SYDE2: variants seen among roughly 807,000 people sequenced by gnomAD.
SYDE2 encodes the protein synapse defective Rho GTPase homolog 2.
In SYDE2, 76 loss-of-function variants were observed where a neutral mutation model predicts 91.5. That is an observed-to-expected ratio of 0.83 (90% CI 0.69 to 1.01). The LOEUF is 1.01. SYDE2 is among the 50% of genes least tolerant of loss of function. The pLI is 0.00. For missense variants in SYDE2, 1,364 were observed against 1,367.7 expected (o/e 1.00, Z 0.04); for synonymous variants, 513 against 506.4 (o/e 1.01, Z -0.18).
At position 85,158,323 on chromosome 1, in the gene SYDE2, C is replaced by G. The variant is rs709785; in HGVS notation, c.*427G>C. 0.23 allele frequency: 35,942 copies of G among 154,396 alleles called. 5,301 individuals carry two copies. The highest frequency in any genetic ancestry group is 0.42 in the African/African-American group (17,242 of 41,444). 9.6% of individuals were successfully genotyped at this position (154,396 alleles called of 1,614,324 possible). On this transcript the variant is annotated 3_prime_UTR_variant, in exon 7 of 7. Transcript: ENST00000341460. ...ACCAGGGAGGTGGAGGTTGCAGTGA[C>G]CTGAGATCGCACCAGTGCACTCCAG...
chr1:85,176,587 G>C (rs1200008023), intron 4 of SYDE2, among the ~76,000 whole-genome samples: 1 of 151,976 alleles, frequency 6.6e-6, no homozygotes, highest in Admixed American at 6.6e-5. Flanking sequence ...AATTAATTTT[G>C]AGTAAAAATA....
chr1:85,173,914 G>A (rs994539198), intron 4 of SYDE2, among the ~76,000 whole-genome samples: 3 of 152,016 alleles, frequency 2.0e-5, no homozygotes, highest in Admixed American at 6.6e-5. Flanking sequence ...AACCCATATC[G>A]AACTTCTAGT....
intron 2 of SYDE2, among the ~76,000 whole-genome samples, chr1:85,188,757 G>A (rs1025658867): frequency 6.6e-6 from 1 of 152,162 alleles, no homozygotes; most frequent in African/African-American, 2.4e-5. Flanking sequence ...TGAGAGGCAC[G>A]CCGAGGCTGC....
chr1:85,190,049 AT>A lies in SYDE2; in HGVS notation c.1441+7del. 1 of 1,575,202 alleles carries A rather than the reference AT, an allele frequency of 6.3e-7. No homozygotes were observed. Among genetic ancestry groups the A allele is most frequent in the Non-Finnish European group, 8.6e-7 (1 of 1,158,898 alleles). ...AAGAAAGAAAGACACATATATGATCATTTTTACCTGCAAAAGGAGATTTCAA... is the reference window on the plus strand; with the variant it reads ...AAGAAAGAAAGACACATATATGATCATTTTACCTGCAAAAGGAGATTTCAA... On this transcript the variant is annotated splice_region_variant and intron_variant, in intron 2 of 6. Transcript: ENST00000341460.
At chr1:85,174,405 C>T (rs1657613920) in intron 4 of SYDE2, among the ~76,000 whole-genome samples, 1 of 151,354 alleles carries the variant, frequency 6.6e-6, no homozygotes, top group Admixed American at 6.6e-5. Context: ...GGAACATTTA[C>T]CACAAAAGAC....
intron 5 of SYDE2, 109 bp downstream of exon 5, chr1:85,168,935 A>C: frequency 1.0e-6 from 1 of 988,658 alleles, no homozygotes. Flanking sequence ...GAGCTTTTAA[A>C]TCCATGAGTG....
At chr1:85,197,703 A>G (rs979652525) in intron 1 of SYDE2, among the ~76,000 whole-genome samples, 3 of 152,064 alleles carry the variant, frequency 2.0e-5, no homozygotes, top group Non-Finnish European at 4.4e-5. Context: ...CTCCCAGGCT[A>G]GAGTGCAGTG....
Position 85,182,964 on chromosome 1 carries a change from A to G in SYDE2, c.1678T>C (p.Ser560Pro). 1 of 1,613,818 alleles carries G rather than the reference A, an allele frequency of 6.2e-7. No individual in the cohort carries two copies. The highest frequency in any genetic ancestry group is 8.5e-7 in the Non-Finnish European group (1 of 1,179,774). ...TCTCGGCAGTTATATTTAGACAAAG[A>G]AGGAGTATTATCTGGACTGTTTATA... ...NYINSPDNTP[S>P]LSKYNCREVH... is the part of the protein sequence containing the mutation. The change falls in exon 3 of 7, where the codon TCT becomes CCT. Residue 560 changes from serine to proline, a missense_variant. Coordinates refer to ENST00000341460, the MANE Select transcript of SYDE2 (RefSeq NM_032184.2).
At chr1:85,195,158 T>TTA (rs1476477822) in intron 1 of SYDE2, among the ~76,000 whole-genome samples, 1 of 143,526 alleles carries the variant, frequency 7.0e-6, no homozygotes, top group African/African-American at 2.5e-5. Context: ...AGACTCCATC[T>TTA]AAAAAAAAAA....
chr1:85,163,913 A>G (rs1657165997), intron 6 of SYDE2, among the ~76,000 whole-genome samples: 1 of 152,198 alleles, frequency 6.6e-6, no homozygotes, highest in Non-Finnish European at 1.5e-5. Flanking sequence ...GTCAGTCTTT[A>G]GTTATTGATT....
At chr1:85,165,607 T>TAA (rs398102974) in intron 5 of SYDE2, among the ~76,000 whole-genome samples, 2 of 151,028 alleles carry the variant, frequency 1.3e-5, no homozygotes, top group Non-Finnish European at 3.0e-5. Flanking sequence ...AATATATATA[T>TAA]GTGGTAAATA....
intron 2 of SYDE2, among the ~76,000 whole-genome samples, chr1:85,184,533 A>G (rs1357203952): frequency 6.6e-6 from 1 of 152,172 alleles, no homozygotes. Flanking sequence ...CAAGATGAAG[A>G]TACCAAGTAA....
intron 2 of SYDE2, among the ~76,000 whole-genome samples, chr1:85,184,636 T>G (rs1658057620): frequency 6.6e-6 from 1 of 152,032 alleles, no homozygotes; most frequent in African/African-American, 2.4e-5. Flanking sequence ...CCCATTACTT[T>G]GGGAGGCTGA....
intron 5 of SYDE2, among the ~76,000 whole-genome samples, chr1:85,168,254 C>T (rs1657368623): frequency 6.6e-6 from 1 of 151,966 alleles, no homozygotes. Context: ...GGAGGAGTAA[C>T]TGTTAATCCA....
chr1:85,173,316 G>C (rs1489130665), intron 4 of SYDE2, among the ~76,000 whole-genome samples: 3 of 152,170 alleles, frequency 2.0e-5, no homozygotes, highest in African/African-American at 7.2e-5. Flanking sequence ...AAGGTTGCCA[G>C]CAAACCACCA....
chr1:85,180,995 G>A (rs1657893575), intron 3 of SYDE2, among the ~76,000 whole-genome samples: 1 of 152,028 alleles, frequency 6.6e-6, no homozygotes, highest in Non-Finnish European at 1.5e-5. Context: ...AAAAGTAAAG[G>A]CCTCACTCAC....
intron 1 of SYDE2, among the ~76,000 whole-genome samples, chr1:85,193,834 C>T (rs976603799): frequency 6.6e-6 from 1 of 151,628 alleles, no homozygotes; most frequent in African/African-American, 2.4e-5. Flanking sequence ...CACTATGTTG[C>T]CTAGGCTGGT....
chr1:85,160,390 T>G (rs1157324730), intron 6 of SYDE2: 2 of 878,786 alleles, frequency 2.3e-6, no homozygotes, highest in African/African-American at 3.6e-5. Flanking sequence ...ATTTGATAAC[T>G]GTACACAGGT....
chr1:85,161,587 G>A (rs1181797779), intron 6 of SYDE2, among the ~76,000 whole-genome samples: 5 of 151,952 alleles, frequency 3.3e-5, no homozygotes, highest in African/African-American at 7.2e-5. Flanking sequence ...TTAGCTGGGC[G>A]CAGTGGTACA....
Sources: allele counts gnomAD v4.1 joint callset (sites outside exome capture counted in the v4.1 genomes callset), GRCh38; gene constraint gnomAD v4.1.1; transcripts MANE v1.5; gene names NCBI Gene and HGNC (gene_info 2026-07-23, HGNC 2026-07-21).